Variants in HTR4 observed in about 807,000 individuals in gnomAD.
HTR4 encodes 5-hydroxytryptamine receptor 4, also known as 5-hydroxytryptamine (serotonin) receptor 4, G protein-coupled.
In HTR4, 16 loss-of-function variants were observed where a neutral mutation model predicts 36.8. The ratio of observed to expected loss-of-function variants is 0.43; its 90% CI spans 0.29 to 0.66. The LOEUF (loss-of-function observed/expected upper bound fraction) is 0.66. Among genes scored for constraint, HTR4 ranks in the 30% least tolerant of loss-of-function variants. HTR4 has a pLI of 0.13. For synonymous variants in HTR4, 189 were observed against 185.1 expected (o/e 1.02, Z -0.17); for missense variants, 438 against 490.9 (o/e 0.89, Z 1.02).
chr5:148,506,378 T>C (rs957595219), intron 6 of HTR4, among the ~76,000 whole-genome samples: 1 of 152,156 alleles, frequency 6.6e-6, no homozygotes, highest in Non-Finnish European at 1.5e-5. Flanking sequence ...TAATTCAAGA[T>C]GGATTAAAGA....
chr5:148,458,054 ATATTTTAAGATC>A (rs1462816455), intron 5 of HTR4, among the ~76,000 whole-genome samples: 2 of 136,382 alleles, frequency 1.5e-5, no homozygotes, highest in Non-Finnish European at 3.1e-5. Context: ...AAAATATATT[ATATTTTAAGATC>A]TATTTAATAG....
At chr5:148,510,270 A>G (rs1757436534) in intron 5 of HTR4, among the ~76,000 whole-genome samples, 1 of 152,210 alleles carries the variant, frequency 6.6e-6, no homozygotes, top group Admixed American at 6.5e-5. Context: ...TAAGCCTACA[A>G]TACAAAGAAC....
At chr5:148,637,510 A>G (rs1753587086) in intron 1 of HTR4, among the ~76,000 whole-genome samples, 1 of 152,172 alleles carries the variant, frequency 6.6e-6, no homozygotes, top group Non-Finnish European at 1.5e-5. Context: ...TCTTTTGAGA[A>G]TCTAGTAAAC....
intron 1 of HTR4, among the ~76,000 whole-genome samples, chr5:148,653,416 G>A (rs951737812): frequency 6.6e-6 from 1 of 152,138 alleles, no homozygotes; most frequent in African/African-American, 2.4e-5. Context: ...TGCCGCACAG[G>A]GTAGCAAGCT....
chr5:148,515,773 A>G (rs923412924), intron 5 of HTR4, among the ~76,000 whole-genome samples: 1 of 151,960 alleles, frequency 6.6e-6, no homozygotes, highest in Non-Finnish European at 1.5e-5. Context: ...AATTTTTTAA[A>G]TGAATTTTCT....
intron 2 of HTR4, among the ~76,000 whole-genome samples, chr5:148,572,937 T>C (rs982503624): frequency 1.3e-5 from 2 of 152,062 alleles, no homozygotes; most frequent in African/African-American, 4.8e-5. Flanking sequence ...ATAATGATAA[T>C]CCAGTGATAC....
At chr5:148,535,642 T>A (rs1304697410) in intron 4 of HTR4, among the ~76,000 whole-genome samples, 1 of 152,216 alleles carries the variant, frequency 6.6e-6, no homozygotes, top group Non-Finnish European at 1.5e-5. Flanking sequence ...TTCTCAGAAC[T>A]TGAAGATTGT....
downstream of HTR4, chr5:148,481,435 C>T (rs930802579): frequency 2.4e-6 from 2 of 821,490 alleles, no homozygotes; most frequent in South Asian, 3.2e-5. Context: ...AGAGATATTT[C>T]TCACGAATTC....
chr5:148,548,486 G>A (rs1759496780), intron 4 of HTR4, among the ~76,000 whole-genome samples, 182 bp downstream of exon 4: 3 of 152,182 alleles, frequency 2.0e-5, no homozygotes, highest in African/African-American at 7.2e-5. Context: ...GTGCCTCAGA[G>A]AGGGCCTGAC....
At position 148,509,528 on chromosome 5, in the gene HTR4, C is replaced by A; in HGVS notation, c.1004G>T (p.Arg335Leu). ...AGTCTGGCCCAGAATGGAAGGTCTTCGGTAGCGCTCATCATCACAGCAGAG... is the reference window on the plus strand; with the variant it reads ...AGTCTGGCCCAGAATGGAAGGTCTTAGGTAGCGCTCATCATCACAGCAGAG... Reference protein sequence around the residue: ...IILCCDDERYRRPSILGQTVP... With the variant: ...IILCCDDERYLRPSILGQTVP... The change falls in exon 6 of 7, where the codon CGA (arginine) becomes CTA (leucine). Residue 335 changes from arginine (R) to leucine (L), a missense_variant. Coordinates refer to ENST00000377888, the MANE Select transcript of HTR4 (RefSeq NM_000870.7). 1 of 1,613,942 alleles carries A rather than the reference C, an allele frequency of 6.2e-7. No individual in the cohort carries two copies.
intron 2 of HTR4, among the ~76,000 whole-genome samples, chr5:148,573,196 C>T (rs1054404344): frequency 6.6e-6 from 1 of 152,050 alleles, no homozygotes; most frequent in African/African-American, 2.4e-5. Flanking sequence ...TACTTTTCTT[C>T]TCATACTACA....
intron 1 of HTR4, among the ~76,000 whole-genome samples, chr5:148,650,375 A>G (rs35738153): frequency 0.16 from 25,074 of 152,154 alleles, 2,190 homozygotes; most frequent in South Asian, 0.22. Context: ...TAATTGGTAA[A>G]TGGTAAGGCA....
At position 148,529,981 on chromosome 5, in the gene HTR4, C is replaced by T. The variant is rs576049382; in HGVS notation, c.354-6635G>A. Among the ~76,000 whole-genome samples, 33 of 152,162 alleles carry T rather than the reference C, an allele frequency of 2.2e-4. No individual in the cohort carries two copies. In the South Asian group the frequency reaches 3.7e-3, roughly 17 times the overall value. On this transcript the variant is annotated intron_variant, in intron 4 of 6. Transcript: ENST00000377888. ...ACTTTCAACTGGAGAGAGATGATTTCGGGTATCTGATGGAAGAAATTTCCA... is the reference window on the plus strand; with the variant it reads ...ACTTTCAACTGGAGAGAGATGATTTTGGGTATCTGATGGAAGAAATTTCCA...
intron 1 of HTR4, among the ~76,000 whole-genome samples, chr5:148,643,505 C>T (rs1303069785): frequency 2.0e-5 from 3 of 151,874 alleles, no homozygotes; most frequent in Non-Finnish European, 4.4e-5. Flanking sequence ...AAGTGTGAAT[C>T]TGGGAATTTT....
At chr5:148,639,513 T>C (rs1272597531) in intron 1 of HTR4, among the ~76,000 whole-genome samples, 1 of 151,708 alleles carries the variant, frequency 6.6e-6, no homozygotes, top group African/African-American at 2.4e-5. Flanking sequence ...GCCGCTCAAA[T>C]ATCACTTCCT....
chr5:148,591,929 C>A (rs1362913273), intron 2 of HTR4, among the ~76,000 whole-genome samples: 6 of 151,946 alleles, frequency 3.9e-5, no homozygotes, highest in Non-Finnish European at 8.8e-5. Context: ...ACCATTTGAC[C>A]CAGCAATCCC....
intron 2 of HTR4, among the ~76,000 whole-genome samples, chr5:148,573,687 A>G (rs1464536327): frequency 6.6e-6 from 1 of 151,730 alleles, no homozygotes; most frequent in Non-Finnish European, 1.5e-5. Flanking sequence ...GCAGTGGTTG[A>G]CCTCCTGGGT....
intron 5 of HTR4, among the ~76,000 whole-genome samples, chr5:148,518,351 C>T (rs369366506): frequency 6.6e-6 from 1 of 152,098 alleles, no homozygotes; most frequent in Admixed American, 6.6e-5. Context: ...ACCCTAAGCG[C>T]CTGAATTAGA....
At chr5:148,451,309 G>C (rs968229904) in intron 5 of HTR4, 2 of 1,612,730 alleles carry the variant, frequency 1.2e-6, no homozygotes, top group African/African-American at 1.3e-5. Context: ...GAATTCAACA[G>C]GCATGCTCCA....
Sources: allele counts gnomAD v4.1 joint callset (sites outside exome capture counted in the v4.1 genomes callset), GRCh38; gene constraint gnomAD v4.1.1; transcripts MANE v1.5; gene names NCBI Gene and HGNC (gene_info 2026-07-23, HGNC 2026-07-21).